The following GALM variants were observed in gnomAD, a reference collection of about 807,000 sequenced individuals.
GALM encodes the protein aldose 1-epimerase.
GALM carries 43 observed loss-of-function variants against 37.4 expected under a neutral mutation model. The ratio of observed to expected loss-of-function variants is 1.15; its 90% CI spans 0.90 to 1.48. The LOEUF (loss-of-function observed/expected upper bound fraction) is 1.48. GALM is among the 40% of genes most tolerant of loss of function. The pLI, the probability that GALM is intolerant of heterozygous loss-of-function variation, is 0.00. For missense variants in GALM, 456 were observed against 419.1 expected (o/e 1.09, Z -0.77); for synonymous variants, 199 against 170.6 (o/e 1.17, Z -1.30).
chr2:38,687,555 C>T (rs1665567179), intron 3 of GALM, among the ~76,000 whole-genome samples: 1 of 151,844 alleles, frequency 6.6e-6, no homozygotes, highest in Non-Finnish European at 1.5e-5. Flanking sequence ...ACTAAAAATA[C>T]AAAAATTAGC....
intron 1 of GALM, among the ~76,000 whole-genome samples, chr2:38,675,243 A>G (rs1665214404): frequency 6.6e-6 from 1 of 152,190 alleles, no homozygotes; most frequent in Non-Finnish European, 1.5e-5. Context: ...ATATACTAAA[A>G]GATGGAAGAG....
intron 1 of GALM, among the ~76,000 whole-genome samples, chr2:38,673,308 G>C (rs1374999098): frequency 6.6e-6 from 1 of 152,082 alleles, no homozygotes; most frequent in Non-Finnish European, 1.5e-5. Flanking sequence ...ACGGGAAAAG[G>C]GAATGGAATT....
chr2:38,679,758 G>T (rs567876970), intron 2 of GALM, among the ~76,000 whole-genome samples: 1 of 152,084 alleles, frequency 6.6e-6, no homozygotes, highest in Non-Finnish European at 1.5e-5. Flanking sequence ...TGGGGCAAGC[G>T]GTTTATCCTC....
intron 4 of GALM, among the ~76,000 whole-genome samples, chr2:38,695,946 G>A (rs1463870800): frequency 3.3e-5 from 5 of 151,962 alleles, no homozygotes; most frequent in South Asian, 4.2e-4. Flanking sequence ...TGATCCACCC[G>A]CCTTAGCCTC....
At chr2:38,704,516 G>C (rs543726789) in intron 4 of GALM, among the ~76,000 whole-genome samples, 9 of 151,948 alleles carry the variant, frequency 5.9e-5, no homozygotes, top group South Asian at 2.1e-4. Flanking sequence ...CAAAAAAATA[G>C]AATCAAAAAA....
intron 1 of GALM, chr2:38,668,799 T>C (rs926577890): frequency 2.0e-5 from 3 of 150,684 alleles, no homozygotes; most frequent in Non-Finnish European, 2.9e-5. Context: ...ATAAATAAAT[T>C]TAAATTTAAA....
chr2:38,698,541 C>T (rs1025131831), intron 4 of GALM: 1 of 482,744 alleles, frequency 2.1e-6, no homozygotes, highest in African/African-American at 2.1e-5. Flanking sequence ...AAAAATGACA[C>T]CCATAAAGCA....
intron 1 of GALM, among the ~76,000 whole-genome samples, chr2:38,672,426 T>C (rs1461158590): frequency 6.6e-6 from 1 of 152,172 alleles, no homozygotes; most frequent in Non-Finnish European, 1.5e-5. Context: ...TTTAAAGCTA[T>C]TTTCAGAAAG....
intron 2 of GALM, among the ~76,000 whole-genome samples, chr2:38,676,596 C>T (rs1011563200): frequency 6.6e-6 from 1 of 152,052 alleles, no homozygotes; most frequent in Non-Finnish European, 1.5e-5. Flanking sequence ...AACCCCGTCT[C>T]TACGAAAAAT....
chr2:38,730,232 C>G (rs188384004), intron 5 of GALM, among the ~76,000 whole-genome samples: 1 of 152,298 alleles, frequency 6.6e-6, no homozygotes, highest in African/African-American at 2.4e-5. Flanking sequence ...TTGGCACTAG[C>G]AAATAATGAA....
intron 4 of GALM, among the ~76,000 whole-genome samples, chr2:38,698,203 C>T (rs1339195797): frequency 6.6e-6 from 1 of 152,138 alleles, no homozygotes; most frequent in Non-Finnish European, 1.5e-5. Context: ...CTCAGCCTTT[C>T]AAAGTGCTGG....
intron 4 of GALM, among the ~76,000 whole-genome samples, chr2:38,715,326 T>C (rs1214266089): frequency 1.3e-5 from 2 of 152,260 alleles, no homozygotes; most frequent in Admixed American, 1.3e-4. Flanking sequence ...CAAGTCTGTA[T>C]ATTTCAGTGC....
chr2:38,724,822 T>C (rs1266294133), intron 4 of GALM, among the ~76,000 whole-genome samples: 1 of 152,236 alleles, frequency 6.6e-6, no homozygotes, highest in African/African-American at 2.4e-5. Flanking sequence ...AAGCATACCA[T>C]TTATCAAATA....
chr2:38,675,526 G>GTTTTT (rs869119386), intron 1 of GALM, among the ~76,000 whole-genome samples: 1 of 74,620 alleles, frequency 1.3e-5, no homozygotes, highest in Admixed American at 1.7e-4. Context: ...GGGTTTTTTT[G>GTTTTT]TTTTTTTTTT....
intron 4 of GALM, among the ~76,000 whole-genome samples, chr2:38,696,563 C>G (rs1305341624): frequency 1.3e-5 from 2 of 151,510 alleles, no homozygotes; most frequent in Non-Finnish European, 2.9e-5. Context: ...TTCCAAATAG[C>G]TAGGATTACA....
Position 38,689,852 on chromosome 2 carries a change from G to A in GALM, c.592G>A (p.Ala198Thr), listed in dbSNP as rs1665629318. 1 of 1,612,212 alleles carries A rather than the reference G, an allele frequency of 6.2e-7. No individual in the cohort carries two copies. Among genetic ancestry groups the A allele is most frequent in the African/African-American group, 1.3e-5 (1 of 74,846 alleles). Residue 198 changes from alanine (A) to threonine (T), a missense_variant, in exon 4 of 7, where the codon GCG becomes ACG. Coordinates refer to ENST00000272252, the MANE Select transcript of GALM (RefSeq NM_138801.3). ...AAATGACCATGAAGTCACCATAGAA[G>A]CGGATACTTATTTGCCTGTGGATGA... ...NINDHEVTIE[A>T]DTYLPVDETL... is the part of the protein sequence containing the mutation.
chr2:38,697,070 A>G (rs1445941657), intron 4 of GALM, among the ~76,000 whole-genome samples: 1 of 152,082 alleles, frequency 6.6e-6, no homozygotes, highest in Non-Finnish European at 1.5e-5. Context: ...GATTATGGGC[A>G]TGAGCCACTG....
intron 4 of GALM, among the ~76,000 whole-genome samples, chr2:38,697,659 C>T (rs764545587): frequency 2.6e-5 from 4 of 152,276 alleles, no homozygotes; most frequent in Non-Finnish European, 5.9e-5. Context: ...CCACAGTGCT[C>T]AGTAAAAGGG....
chr2:38,726,448 G>A (rs1207339213), intron 4 of GALM, among the ~76,000 whole-genome samples: 1 of 150,692 alleles, frequency 6.6e-6, no homozygotes, highest in African/African-American at 2.4e-5. Flanking sequence ...GGATGGTCTC[G>A]ATCTCCTGAC....
Sources: allele counts gnomAD v4.1 joint callset (sites outside exome capture counted in the v4.1 genomes callset), GRCh38; gene constraint gnomAD v4.1.1; transcripts MANE v1.5; gene names NCBI Gene and HGNC (gene_info 2026-07-23, HGNC 2026-07-21).